PEX10: variants seen among roughly 807,000 people sequenced by gnomAD.
PEX10 encodes peroxisomal biogenesis factor 10, also known as peroxisome biogenesis factor 10.
In PEX10, 32 loss-of-function variants were observed where a neutral mutation model predicts 38.0. The observed-to-expected ratio is 0.84, with a 90% CI of 0.63 to 1.13. The LOEUF is 1.13. PEX10 is among the 50% of genes most tolerant of loss of function. PEX10 has a pLI of 0.00. For synonymous variants in PEX10, 206 were observed against 207.3 expected, an observed-to-expected ratio of 0.99 and a Z score of 0.05; for missense variants, 483 against 457.7, an observed-to-expected ratio of 1.06 and a Z score of -0.51.
rs886346515 is a variant in PEX10 at position 2,405,526 on chromosome 1, T to C, written c.*240A>G. ...TAAGTGAAATTCCTGAAGAAGTGGC[T>C]GAGTCCTACCAGGTTGGGGTTAGGG... On this transcript the variant is annotated 3_prime_UTR_variant, in exon 6 of 6. Coordinates refer to ENST00000447513, the MANE Select transcript of PEX10 (RefSeq NM_002617.4). The C allele has an allele frequency of 5.3e-5, 33 of 624,136 alleles. No homozygotes were observed. Among genetic ancestry groups the C allele is most frequent in the Admixed American group, 9.9e-5 (4 of 40,322 alleles). 38.7% of individuals were successfully genotyped at this position (624,136 alleles called of 1,614,324 possible). A position where few individuals can be genotyped will look rare whatever the true frequency, so the allele number is the denominator to read the frequency against.
rs1345985581 is a variant in PEX10 at position 2,406,859 on chromosome 1, C to A, written c.637G>T (p.Ala213Ser). Residue 213 changes from alanine (A) to serine (S), a missense_variant, in exon 4 of 6, where the codon GCC becomes TCC. Transcript: ENST00000447513. ...CCCAGCAGCCTGTAGCTAACACGGG[C>A]CCTCAGGTCCTCTCCGGGCAGGCTG... Reference protein sequence around the residue: ...VRSLPGEDLRARVSYRLLGVI... With the variant: ...VRSLPGEDLRSRVSYRLLGVI... 6.2e-7 allele frequency: 1 copy of A among 1,609,640 alleles called. No homozygotes were observed. Among genetic ancestry groups the A allele is most frequent in the East Asian group, 2.2e-5 (1 of 44,708 alleles).
At position 2,409,221 on chromosome 1, in the gene PEX10, C is replaced by T. The variant is rs527846920; in HGVS notation, c.194-363G>A. Reference sequence around the variant, plus strand: ...ACTCGGATCCAGTCCCATGGCTCTCCACCAACCACACAGCTGGCACCACCC... The same window carrying T: ...ACTCGGATCCAGTCCCATGGCTCTCTACCAACCACACAGCTGGCACCACCC... On this transcript the variant is annotated intron_variant, in intron 2 of 5. Coordinates refer to ENST00000447513, the MANE Select transcript of PEX10 (RefSeq NM_002617.4). This position sits in a 1 kb window ranked among gnomAD's most constrained non-coding sequence, Gnocchi z 6.2. Among the ~76,000 whole-genome samples, 4 of 152,266 alleles carry T rather than the reference C, an allele frequency of 2.6e-5. No homozygotes were observed. Among genetic ancestry groups the T allele is most frequent in the Admixed American group, 2.0e-4 (3 of 15,300 alleles).
rs1643114259 is a variant in PEX10, at chr1:2,409,421, GC to G, written c.194-564del. On this transcript the variant is annotated intron_variant, in intron 2 of 5. Coordinates refer to ENST00000447513, the MANE Select transcript of PEX10 (RefSeq NM_002617.4). The surrounding 1 kb of genome is among the most constrained non-coding windows in gnomAD (Gnocchi z 6.2). ...CGTTTCCATCTCTGTGGATGGCAAC[GC>G]CAGGCCTCCGGTTCCTGAGGTCAAG... Among the ~76,000 whole-genome samples the G allele has an allele frequency of 6.6e-6, 1 of 151,920 alleles. No homozygotes were observed. Among genetic ancestry groups the G allele is most frequent in the Non-Finnish European group, 1.5e-5 (1 of 67,994 alleles).
In PEX10 at chr1:2,409,510, CTG is replaced by C. The variant is rs1184993676; in HGVS notation, c.194-654_194-653del. Among the ~76,000 whole-genome samples, 2 of 152,196 alleles carry C rather than the reference CTG, an allele frequency of 1.3e-5. No individual in the cohort carries two copies. Among genetic ancestry groups the C allele is most frequent in the African/African-American group, 4.8e-5 (2 of 41,452 alleles). On this transcript the variant is annotated intron_variant, in intron 2 of 5. Coordinates refer to ENST00000447513, the MANE Select transcript of PEX10 (RefSeq NM_002617.4). This position sits in a 1 kb window ranked among gnomAD's most constrained non-coding sequence, Gnocchi z 6.2. ...CCACCCCCTCGCTGCCGCCCCTGCT[CTG>C]TACCACCACCATCCTGTGGGGGACT...
chr1:2,411,534 CTTT>C (rs77098501), intron 1 of PEX10, among the ~76,000 whole-genome samples: 1 of 146,240 alleles, frequency 6.8e-6, no homozygotes, highest in East Asian at 2.0e-4. Flanking sequence ...CACCCGGCAT[CTTT>C]TTTTTTTCGT....
At chr1:2,411,398 G>A (rs1322201751) in intron 1 of PEX10, among the ~76,000 whole-genome samples, 1 of 151,760 alleles carries the variant, frequency 6.6e-6, no homozygotes, top group African/African-American at 2.4e-5. Context: ...ACGCCCTGCT[G>A]ATTTTTGTAT....
intron 1 of PEX10, among the ~76,000 whole-genome samples, chr1:2,411,210 C>A (rs953251953): frequency 1.8e-4 from 27 of 148,896 alleles, no homozygotes; most frequent in African/African-American, 6.1e-4. Flanking sequence ...CCCCACCCCC[C>A]AAAGACTTGA....
In PEX10 at chr1:2,404,745, C is replaced by T. The variant is rs1162976727; in HGVS notation, c.*1021G>A. On this transcript the variant is annotated 3_prime_UTR_variant, in exon 6 of 6. Coordinates refer to ENST00000447513, the MANE Select transcript of PEX10 (RefSeq NM_002617.4). ...TTTACGTCAGCAGGGAAATGTGGCA[C>T]ACGCCCTCGAGGCATTTTAACACTG... 2 of 152,300 alleles carry T rather than the reference C, an allele frequency of 1.3e-5. No homozygotes were observed. Among genetic ancestry groups the T allele is most frequent in the South Asian group, 2.1e-4 (1 of 4,836 alleles). The allele number at this position is 152,300 out of a possible 1,614,324, so 9.4% of individuals were successfully genotyped here. A position where few individuals can be genotyped will look rare whatever the true frequency, so the allele number is the denominator to read the frequency against.
rs147848221 is a variant in PEX10 at position 2,408,496 on chromosome 1, C to G, written c.556G>C (p.Gly186Arg). ...CTCTTGGCCAGGTGGTAGAAGACAC[C>G]GTGGATGTAAAACCAGGCAACATGT... is the stretch of plus-strand genomic sequence containing the variant. ...RLHVAWFYIH[G>R]VFYHLAKRLT... Residue 186 changes from glycine to arginine, a missense_variant, in exon 3 of 6, where the codon GGT becomes CGT. Physicochemically the swap from Gly to Arg is moderately radical, Grantham distance 125. Transcript: ENST00000447513. 6.2e-7 allele frequency: 1 copy of G among 1,612,966 alleles called. No individual in the cohort carries two copies. The highest frequency in any genetic ancestry group is 1.7e-5 in the Admixed American group (1 of 60,026).
chr1:2,405,543 G>A lies in PEX10; in HGVS notation c.*223C>T. On this transcript the variant is annotated 3_prime_UTR_variant, in exon 6 of 6. Coordinates refer to ENST00000447513, the MANE Select transcript of PEX10 (RefSeq NM_002617.4). ...GAAGTGGCTGAGTCCTACCAGGTTG[G>A]GGTTAGGGAAATGTTCTGGGTTCAG... The A allele has an allele frequency of 1.5e-6, 1 of 662,336 alleles. No individual in the cohort carries two copies. 41.0% of individuals were successfully genotyped at this position (662,336 alleles called of 1,614,324 possible). A position where few individuals can be genotyped will look rare whatever the true frequency, so the allele number is the denominator to read the frequency against.
Position 2,408,873 on chromosome 1 carries a change from A to AT in PEX10, c.194-16dup. 2 of 1,613,660 alleles carry AT rather than the reference A, an allele frequency of 1.2e-6. No homozygotes were observed. The highest frequency in any genetic ancestry group is 1.7e-6 in the Non-Finnish European group (2 of 1,179,730). On this transcript the variant is annotated splice_polypyrimidine_tract_variant and intron_variant, in intron 2 of 5. Coordinates refer to ENST00000447513, the MANE Select transcript of PEX10 (RefSeq NM_002617.4). The stretch of plus-strand genomic sequence containing the variant: ...GGTCTGGTAGCCTGCGAGGAAGAGG[A>AT]TGGGTATGTGGACCCTGAGACTGCT...
At position 2,405,530 on chromosome 1, in the gene PEX10, T is replaced by C. The variant is rs1181327703; in HGVS notation, c.*236A>G. The C allele has an allele frequency of 6.2e-6, 4 of 640,520 alleles. No homozygotes were observed. The highest frequency in any genetic ancestry group is 1.1e-5 in the Non-Finnish European group (4 of 351,712). The allele number at this position is 640,520 out of a possible 1,614,324, so 39.7% of individuals were successfully genotyped here. ...TGAAATTCCTGAAGAAGTGGCTGAG[T>C]CCTACCAGGTTGGGGTTAGGGAAAT... On this transcript the variant is annotated 3_prime_UTR_variant, in exon 6 of 6. Coordinates refer to ENST00000447513, the MANE Select transcript of PEX10 (RefSeq NM_002617.4).
chr1:2,407,504 C>T (rs1472925150), intron 3 of PEX10, among the ~76,000 whole-genome samples: 10 of 152,202 alleles, frequency 6.6e-5, no homozygotes, highest in Admixed American at 1.3e-4. Flanking sequence ...CCCTGGGTGT[C>T]CAGCCACTTC....
Position 2,410,404 on chromosome 1 carries a change from C to G in PEX10, c.160G>C (p.Asp54His), listed in dbSNP as rs1289859085. The part of the protein sequence containing the change: ...EWRKEVELLS[D>H]VAYFGLTTLA... Reference sequence around the variant, plus strand: ...GTGGTGAGGCCAAAGTAGGCCACATCTGAGAGCAGCTCAACCTCCTTCCTC... The same window carrying G: ...GTGGTGAGGCCAAAGTAGGCCACATGTGAGAGCAGCTCAACCTCCTTCCTC... Residue 54 changes from aspartate (D) to histidine (H), a missense_variant, in exon 2 of 6, where the codon GAT becomes CAT. Asp to His is a moderately conservative substitution (Grantham distance 81). Transcript: ENST00000447513. The surrounding 1 kb of genome is among the most constrained non-coding windows in gnomAD (Gnocchi z 5.1). The G allele has an allele frequency of 2.5e-6, 4 of 1,614,046 alleles. No individual in the cohort carries two copies. The highest frequency in any genetic ancestry group is 1.7e-5 in the Admixed American group (1 of 60,010).
upstream of PEX10, among the ~76,000 whole-genome samples, chr1:2,413,175 G>A (rs1206966189): frequency 3.3e-5 from 5 of 152,230 alleles, no homozygotes; most frequent in African/African-American, 9.6e-5. Context: ...TGCGCGAAAA[G>A]CACACGGCCG....
intron 1 of PEX10, among the ~76,000 whole-genome samples, chr1:2,411,426 T>C (rs955189479): frequency 2.6e-5 from 4 of 151,746 alleles, no homozygotes; most frequent in African/African-American, 9.7e-5. Context: ...AGAGACGGGG[T>C]TTCACCATGT....
Position 2,405,722 on chromosome 1 carries a change from C to T in PEX10, c.*44G>A, listed in dbSNP as rs770950166. On this transcript the variant is annotated 3_prime_UTR_variant, in exon 6 of 6. Coordinates refer to ENST00000447513, the MANE Select transcript of PEX10 (RefSeq NM_002617.4). ...CTGAGACTAAATCTTGGCGTTCAGA[C>T]TCCCGTAGAGGTCATCTGTGTCCAG... The T allele has an allele frequency of 1.3e-6, 2 of 1,511,528 alleles. No homozygotes were observed. The highest frequency in any genetic ancestry group is 9.1e-7 in the Non-Finnish European group (1 of 1,104,886). 93.6% of individuals were successfully genotyped at this position (1,511,528 alleles called of 1,614,324 possible).
At position 2,410,553 on chromosome 1, in the gene PEX10, A is replaced by G. The variant is rs1570111491; in HGVS notation, c.113-102T>C. 1 of 989,790 alleles carries G rather than the reference A, an allele frequency of 1.0e-6. No individual in the cohort carries two copies. Among genetic ancestry groups the G allele is most frequent in the Non-Finnish European group, 1.6e-6 (1 of 642,704 alleles). The allele number at this position is 989,790 out of a possible 1,614,324, so 61.3% of individuals were successfully genotyped here. A position where few individuals can be genotyped will look rare whatever the true frequency, so the allele number is the denominator to read the frequency against. On this transcript the variant is annotated intron_variant, in intron 1 of 5. Transcript: ENST00000447513. The surrounding 1 kb of genome is among the most constrained non-coding windows in gnomAD (Gnocchi z 5.1). The stretch of plus-strand genomic sequence containing the variant: ...GTTGTCTAGGCCCAGATCCAGTCCC[A>G]CCCCTTCCATGAAGCCAACACTCAC...
At chr1:2,413,288 C>CTG (rs757868505), upstream of PEX10, among the ~76,000 whole-genome samples, 1 of 152,234 alleles carries the variant, frequency 6.6e-6, no homozygotes. Flanking sequence ...GGAAGGTGGC[C>CTG]TTCCACCCTC....
Sources: allele counts gnomAD v4.1 joint callset (sites outside exome capture counted in the v4.1 genomes callset), GRCh38; gene constraint gnomAD v4.1.1; non-coding constraint Gnocchi (gnomAD v3.1); transcripts MANE v1.5; gene names NCBI Gene and HGNC (gene_info 2026-07-23, HGNC 2026-07-21).